MACROD2: variants seen among roughly 807,000 people sequenced by gnomAD.
MACROD2 encodes the protein ADP-ribose glycohydrolase MACROD2.
MACROD2 carries 36 observed loss-of-function variants against 70.4 expected under a neutral mutation model. That is an observed-to-expected ratio of 0.51 (90% CI 0.39 to 0.68). MACROD2 has a LOEUF of 0.68. Ranked by LOEUF, MACROD2 falls within the 30% of genes least tolerant of loss-of-function variation. The pLI is 0.00. For synonymous variants in MACROD2, 172 were observed against 178.8 expected (o/e 0.96, Z 0.30); for missense variants, 496 against 538.4 (o/e 0.92, Z 0.78).
At chr20:15,179,489 C>T (rs755527423) in intron 5 of MACROD2, among the ~76,000 whole-genome samples, 2 of 152,170 alleles carry the variant, frequency 1.3e-5, no homozygotes, top group Admixed American at 6.5e-5. Flanking sequence ...CACTCCCAGA[C>T]ATCAGCCCTA....
chr20:15,663,208 T>C (rs971705974), intron 8 of MACROD2, among the ~76,000 whole-genome samples: 1 of 151,540 alleles, frequency 6.6e-6, no homozygotes, highest in Admixed American at 6.6e-5. Flanking sequence ...GATGTTTCTG[T>C]TTCTCAAGAG....
chr20:15,587,961 A>G (rs2048625358), intron 8 of MACROD2, among the ~76,000 whole-genome samples: 1 of 152,120 alleles, frequency 6.6e-6, no homozygotes, highest in Admixed American at 6.5e-5. Context: ...CCACTAGGCA[A>G]TGCCCCAGTA....
At chr20:16,010,696 A>T (rs1244620315) in intron 15 of MACROD2, among the ~76,000 whole-genome samples, 1 of 152,162 alleles carries the variant, frequency 6.6e-6, no homozygotes. Flanking sequence ...TTCAGAGCTT[A>T]GAGTCTGTTT....
At chr20:14,956,115 C>T (rs944006705) in intron 5 of MACROD2, among the ~76,000 whole-genome samples, 1 of 151,442 alleles carries the variant, frequency 6.6e-6, no homozygotes, top group African/African-American at 2.4e-5. Flanking sequence ...AATGGAAAAC[C>T]TAGGCTAGCA....
At chr20:15,457,078 A>T (rs1351653762) in intron 7 of MACROD2, among the ~76,000 whole-genome samples, 1 of 140,068 alleles carries the variant, frequency 7.1e-6, no homozygotes, top group Non-Finnish European at 1.6e-5. Context: ...TTTTTTTTAA[A>T]AAAAAAGCAT....
chr20:14,679,067 G>A (rs1194751869), intron 4 of MACROD2, among the ~76,000 whole-genome samples: 1 of 152,074 alleles, frequency 6.6e-6, no homozygotes, highest in Non-Finnish European at 1.5e-5. Flanking sequence ...AAAAGAATAA[G>A]CCACCTCCTG....
intron 6 of MACROD2, among the ~76,000 whole-genome samples, chr20:15,245,288 G>A (rs1480006612): frequency 6.6e-6 from 1 of 152,120 alleles, no homozygotes; most frequent in Non-Finnish European, 1.5e-5. Flanking sequence ...ATGACATATT[G>A]CAGAAATACC....
chr20:14,797,917 A>G (rs1459469391), intron 5 of MACROD2, among the ~76,000 whole-genome samples: 1 of 152,096 alleles, frequency 6.6e-6, no homozygotes, highest in Non-Finnish European at 1.5e-5. Context: ...GAGAAACATA[A>G]GGCTGACTCT....
chr20:15,494,776 T>TGCGCGC (rs1555829397), intron 7 of MACROD2, among the ~76,000 whole-genome samples: 41 of 131,980 alleles, frequency 3.1e-4, no homozygotes, highest in African/African-American at 1.1e-3. Context: ...CGTGTGTGTG[T>TGCGCGC]GCGCGCGTGT....
At chr20:14,095,593 A>G (rs1465764341) in intron 3 of MACROD2, among the ~76,000 whole-genome samples, 4 of 152,190 alleles carry the variant, frequency 2.6e-5, no homozygotes, top group African/African-American at 9.6e-5. Context: ...TTCACACAGA[A>G]GCTATGATAC....
At chr20:15,652,787 T>C (rs760465087) in intron 8 of MACROD2, among the ~76,000 whole-genome samples, 3 of 152,136 alleles carry the variant, frequency 2.0e-5, no homozygotes, top group Non-Finnish European at 4.4e-5. Flanking sequence ...CCTAGTTTTC[T>C]CATTCATAAA....
intron 6 of MACROD2, among the ~76,000 whole-genome samples, chr20:15,317,142 A>G (rs1192479009): frequency 6.6e-6 from 1 of 152,076 alleles, no homozygotes; most frequent in Non-Finnish European, 1.5e-5. Context: ...GCACTTTAAG[A>G]AAGTAGAAAA....
chr20:14,058,374 A>G (rs1014426805), intron 2 of MACROD2, among the ~76,000 whole-genome samples: 14 of 151,896 alleles, frequency 9.2e-5, no homozygotes, highest in Admixed American at 6.6e-4. Flanking sequence ...TTGTTTGCCT[A>G]TATGTTCTCA....
intron 8 of MACROD2, among the ~76,000 whole-genome samples, chr20:15,681,897 C>T (rs1419094081): frequency 6.6e-6 from 1 of 152,132 alleles, no homozygotes; most frequent in Non-Finnish European, 1.5e-5. Context: ...GAAGCTTAGA[C>T]ATTATTTTGT....
chr20:15,973,136 A>G (rs1181749450), intron 13 of MACROD2, among the ~76,000 whole-genome samples: 1 of 152,174 alleles, frequency 6.6e-6, no homozygotes, highest in Non-Finnish European at 1.5e-5. Flanking sequence ...CTGGATGGTT[A>G]TCATAAAAAT....
rs61532850 is a variant in MACROD2, at chr20:14,930,161, C to CA, written c.418+245215dup. Among the ~76,000 whole-genome samples, 178 of 106,390 alleles carry CA rather than the reference C, an allele frequency of 1.7e-3. 1 individual carries two copies. The highest frequency in any genetic ancestry group is 2.3e-3 in the African/African-American group (66 of 29,304). The allele number at this position is 106,390 out of a possible 152,430, so 69.8% of individuals were successfully genotyped here. A position where few individuals can be genotyped will look rare whatever the true frequency, so the allele number is the denominator to read the frequency against. ...TGGGTGAGAGAGTGAGACTCCGTCT[C>CA]AAAAAAAAAAAAAGAAATGTACATG... On this transcript the variant is annotated intron_variant, in intron 5 of 17. Transcript: ENST00000684519.
intron 5 of MACROD2, among the ~76,000 whole-genome samples, chr20:14,781,192 C>T (rs6135258): frequency 0.068 from 10,394 of 152,016 alleles, 482 homozygotes; most frequent in East Asian, 0.18. Flanking sequence ...AATAGTTCCC[C>T]CTACCCCGCC....
chr20:15,799,609 C>A (rs2063705781), intron 8 of MACROD2, among the ~76,000 whole-genome samples: 1 of 152,170 alleles, frequency 6.6e-6, no homozygotes, highest in East Asian at 1.9e-4. Flanking sequence ...CTGTTTCTTG[C>A]AAATAACAGA....
intron 5 of MACROD2, among the ~76,000 whole-genome samples, chr20:14,724,666 G>T (rs1358378836): frequency 6.6e-6 from 1 of 152,170 alleles, no homozygotes; most frequent in Non-Finnish European, 1.5e-5. Context: ...ACAATTCTGT[G>T]CTAAGAATGA....
Sources: gnomAD v4.1 joint callset for allele counts (sites outside exome capture counted in the v4.1 genomes callset) on GRCh38, gnomAD v4.1.1 for gene constraint, MANE v1.5 for transcripts, NCBI Gene and HGNC (gene_info 2026-07-23, HGNC 2026-07-21) for gene names.